Variants in WWOX observed in about 807,000 individuals in gnomAD.
WWOX encodes WW domain-containing oxidoreductase.
In WWOX, 69 loss-of-function variants were observed where a neutral mutation model predicts 46.2. The observed-to-expected ratio is 1.49, with a 90% confidence interval of 1.23 to 1.82. WWOX has a LOEUF of 1.82. Ranked by LOEUF, WWOX falls within the 40% of genes most tolerant of loss-of-function variation. The pLI, the probability that WWOX is intolerant of heterozygous loss-of-function variation, is 0.00. For missense variants in WWOX, 919 were observed against 542.6 expected, an observed-to-expected ratio of 1.69 and a Z score of -6.89; for synonymous variants, 359 against 202.6, an observed-to-expected ratio of 1.77 and a Z score of -6.56.
intron 8 of WWOX, among the ~76,000 whole-genome samples, chr16:78,639,750 G>C (rs1156898219): frequency 6.6e-6 from 1 of 152,096 alleles, no homozygotes; most frequent in Non-Finnish European, 1.5e-5. Context: ...TTTTTTAGTA[G>C]AGACAGGGTT....
intron 5 of WWOX, among the ~76,000 whole-genome samples, chr16:78,371,166 G>T (rs1597117272): frequency 6.6e-6 from 1 of 152,214 alleles, no homozygotes; most frequent in East Asian, 1.9e-4. Flanking sequence ...GATACGCACA[G>T]TTCCTCAGCA....
intron 8 of WWOX, among the ~76,000 whole-genome samples, chr16:79,098,927 A>G (rs2049133368): frequency 6.6e-6 from 1 of 152,174 alleles, no homozygotes; most frequent in Non-Finnish European, 1.5e-5. Flanking sequence ...AATACCTGAG[A>G]CTGGGTAATT....
intron 5 of WWOX, chr16:78,270,525 T>G (rs974367114): frequency 6.6e-6 from 1 of 152,232 alleles, no homozygotes; most frequent in Non-Finnish European, 1.5e-5. Context: ...ATCCTCCCTG[T>G]GGGACTAGGG....
chr16:78,878,651 G>T (rs983008298), intron 8 of WWOX, among the ~76,000 whole-genome samples: 5 of 152,074 alleles, frequency 3.3e-5, no homozygotes, highest in African/African-American at 1.2e-4. Flanking sequence ...GCATGTGAGG[G>T]TTCTGTAAAT....
At chr16:78,835,147 T>C (rs1452302039) in intron 8 of WWOX, among the ~76,000 whole-genome samples, 1 of 152,188 alleles carries the variant, frequency 6.6e-6, no homozygotes, top group Admixed American at 6.5e-5. Flanking sequence ...CAGTGTATCT[T>C]GCTCCGACAG....
At chr16:78,899,924 A>G (rs2044787177) in intron 8 of WWOX, among the ~76,000 whole-genome samples, 1 of 152,170 alleles carries the variant, frequency 6.6e-6, no homozygotes, top group South Asian at 2.1e-4. Flanking sequence ...TTAAGTCTGC[A>G]GGTGTTCCAT....
intron 8 of WWOX, among the ~76,000 whole-genome samples, chr16:78,622,542 TA>T (rs35888465): frequency 0.68 from 97,332 of 144,154 alleles, 32,728 homozygotes; most frequent in Middle Eastern, 0.76. Flanking sequence ...AACTCCATCT[TA>T]AAAAAAAAAA....
intron 8 of WWOX, among the ~76,000 whole-genome samples, chr16:79,125,518 G>C (rs1462136807): frequency 6.6e-6 from 1 of 152,182 alleles, no homozygotes; most frequent in Admixed American, 6.5e-5. Context: ...TCAAATGATA[G>C]ACATTTCAAC....
chr16:78,452,001 C>T (rs181797847), intron 8 of WWOX, among the ~76,000 whole-genome samples: 11 of 152,262 alleles, frequency 7.2e-5, no homozygotes, highest in African/African-American at 2.6e-4. Flanking sequence ...TATCAACTTC[C>T]TTCTGTTTTT....
chr16:78,911,326 C>A (rs759144250), intron 8 of WWOX, among the ~76,000 whole-genome samples: 2 of 152,074 alleles, frequency 1.3e-5, no homozygotes, highest in African/African-American at 4.8e-5. Flanking sequence ...TTGACCTTTA[C>A]CATAAATCAC....
chr16:78,235,987 C>T (rs2037424205), intron 5 of WWOX, among the ~76,000 whole-genome samples: 1 of 152,208 alleles, frequency 6.6e-6, no homozygotes, highest in Admixed American at 6.5e-5. Context: ...TCTGTTGCAA[C>T]TTCTCAACTC....
chr16:78,367,223 A>G (rs957592162), intron 5 of WWOX, among the ~76,000 whole-genome samples: 1 of 151,956 alleles, frequency 6.6e-6, no homozygotes, highest in Non-Finnish European at 1.5e-5. Flanking sequence ...TCGTGATTCA[A>G]CTGCCTCGCC....
intron 8 of WWOX, among the ~76,000 whole-genome samples, chr16:78,549,557 C>T (rs1400540567): frequency 6.6e-6 from 1 of 152,122 alleles, no homozygotes; most frequent in East Asian, 1.9e-4. Flanking sequence ...TTAAATCAGT[C>T]ACTTGGCAGC....
At chr16:78,656,375 CT>C (rs1344976046) in intron 8 of WWOX, among the ~76,000 whole-genome samples, 1 of 152,134 alleles carries the variant, frequency 6.6e-6, no homozygotes, top group Non-Finnish European at 1.5e-5. Context: ...CTACCTGAGG[CT>C]GGCTAATGTA....
intron 8 of WWOX, chr16:78,996,215 C>G (rs1057005653): frequency 1.0e-6 from 1 of 984,818 alleles, no homozygotes. Flanking sequence ...TTTTTGAAGA[C>G]TTGTGGATAG....
At chr16:78,809,904 A>G (rs1034348884) in intron 8 of WWOX, among the ~76,000 whole-genome samples, 1 of 152,184 alleles carries the variant, frequency 6.6e-6, no homozygotes, top group African/African-American at 2.4e-5. Context: ...CCCGTGGGTT[A>G]GCATGTTCCA....
At chr16:78,502,298 T>C (rs1025100841) in intron 8 of WWOX, among the ~76,000 whole-genome samples, 2 of 152,208 alleles carry the variant, frequency 1.3e-5, no homozygotes, top group African/African-American at 4.8e-5. Context: ...TAGAACATTT[T>C]CATTAACCCA....
chr16:78,389,608 T>C (rs2082136310), intron 6 of WWOX, among the ~76,000 whole-genome samples: 1 of 152,174 alleles, frequency 6.6e-6, no homozygotes, highest in Non-Finnish European at 1.5e-5. Flanking sequence ...GCTATTAATA[T>C]CTCTACTATA....
chr16:78,279,842 C>T (rs1229382191), intron 5 of WWOX, among the ~76,000 whole-genome samples: 2 of 152,206 alleles, frequency 1.3e-5, no homozygotes, highest in African/African-American at 4.8e-5. Context: ...TCAGGGGATG[C>T]AGTATGGATG....
Sources: allele counts gnomAD v4.1 joint callset (sites outside exome capture counted in the v4.1 genomes callset), GRCh38; gene constraint gnomAD v4.1.1; transcripts MANE v1.5; gene names NCBI Gene and HGNC (gene_info 2026-07-23, HGNC 2026-07-21).